PCDH11X: variants seen among roughly 807,000 people sequenced by gnomAD.
PCDH11X encodes protocadherin-11 X-linked.
Under a neutral mutation model 53.3 loss-of-function variants are expected in PCDH11X, and 18 were observed. The observed-to-expected ratio is 0.34, with a 90% confidence interval of 0.23 to 0.50. The LOEUF (loss-of-function observed/expected upper bound fraction) is 0.50, where lower values mean the gene tolerates loss of function less well. Ranked by LOEUF, PCDH11X falls within the 20% of genes least tolerant of loss-of-function variation. PCDH11X has a pLI of 0.98. For synonymous variants in PCDH11X, 279 were observed against 393.3 expected (o/e 0.71, Z 3.44); for missense variants, 570 against 1,032.4 (o/e 0.55, Z 6.14).
chrX:92,107,979 A>G (rs1448305450), intron 6 of PCDH11X, among the ~76,000 whole-genome samples: 2 of 112,560 alleles, frequency 1.8e-5, no homozygotes, highest in African/African-American at 6.5e-5. Context: ...CTTTGTATAT[A>G]AACAATATGA....
intron 8 of PCDH11X, among the ~76,000 whole-genome samples, chrX:92,360,828 A>G (rs1171593144): frequency 9.2e-6 from 1 of 109,186 alleles, no homozygotes; most frequent in East Asian, 2.9e-4. Flanking sequence ...TAAAAAGTAA[A>G]TATTTTGCTG....
intron 9 of PCDH11X, among the ~76,000 whole-genome samples, chrX:92,437,683 A>G (rs1217489633): frequency 9.1e-6 from 1 of 110,392 alleles, no homozygotes; most frequent in Non-Finnish European, 1.9e-5. Flanking sequence ...ACTGTTTTAC[A>G]TGGAAACAGA....
At chrX:92,301,734 C>CTTTTTTTTTTTTTTTTTTTTTTTTT (rs1569459116) in intron 8 of PCDH11X, among the ~76,000 whole-genome samples, 2 of 109,719 alleles carry the variant, frequency 1.8e-5, no homozygotes, top group African/African-American at 6.8e-5. Context: ...GCTTCCTTTT[C>CTTTTTTTTTTTTTTTTTTTTTTTTT]TTGTGTTGTC....
rs1482895416 is a variant in PCDH11X, at chrX:92,009,372, T to C, written c.3033+130099T>C. 7.2e-5 allele frequency among the ~76,000 whole-genome samples: 8 copies of C among 111,496 alleles called. No homozygotes were observed. The East Asian group carries it at 2.2e-3, about 31-fold the overall frequency. The stretch of plus-strand genomic sequence containing the variant: ...TAACAAGATAGTCTATCCTAAAGCT[T>C]AAATATATTAATCAGCAACAAAATG... On this transcript the variant is annotated intron_variant, in intron 6 of 10. Transcript: ENST00000682573.
In PCDH11X at chrX:92,398,808, T is replaced by C. The variant is rs2071307382; in HGVS notation, c.3343+10875T>C. Among the ~76,000 whole-genome samples the C allele has an allele frequency of 2.7e-5, 3 of 110,781 alleles. No individual in the cohort carries two copies. The South Asian group carries it at 1.1e-3, about 42-fold the overall frequency. ...GCCTCAGCTTTGTGCATCCTTAAAATGAGAATAATAAAAGCAGTTGCTTTG... is the reference window on the plus strand; with the variant it reads ...GCCTCAGCTTTGTGCATCCTTAAAACGAGAATAATAAAAGCAGTTGCTTTG... On this transcript the variant is annotated intron_variant, in intron 9 of 10. Transcript: ENST00000682573.
At chrX:92,147,851 C>CT (rs1556066389) in intron 6 of PCDH11X, among the ~76,000 whole-genome samples, 1 of 95,264 alleles carries the variant, frequency 1.0e-5, no homozygotes, top group Non-Finnish European at 2.1e-5. Flanking sequence ...TTCTTTCTTT[C>CT]TTTTTTCTTT....
chrX:91,821,999 C>A (rs1341498560), intron 4 of PCDH11X, among the ~76,000 whole-genome samples: 1 of 104,426 alleles, frequency 9.6e-6, no homozygotes, highest in Non-Finnish European at 1.9e-5. Flanking sequence ...TATATTGAAC[C>A]AGCCTTGCAT....
At chrX:91,971,083 TTAATAA>T (rs2061953025) in intron 6 of PCDH11X, among the ~76,000 whole-genome samples, 1 of 111,824 alleles carries the variant, frequency 8.9e-6, no homozygotes, top group Admixed American at 9.5e-5. Flanking sequence ...TTTTCACTAT[TTAATAA>T]AGCATTACAG....
intron 9 of PCDH11X, among the ~76,000 whole-genome samples, chrX:92,458,910 G>T (rs1177027527): frequency 1.8e-5 from 2 of 110,120 alleles, no homozygotes; most frequent in African/African-American, 6.6e-5. Context: ...GGAATTGCTG[G>T]ATCATATGGT....
intron 10 of PCDH11X, among the ~76,000 whole-genome samples, chrX:92,544,861 A>T (rs981845753): frequency 2.7e-5 from 3 of 111,139 alleles, no homozygotes; most frequent in Non-Finnish European, 5.7e-5. Flanking sequence ...TACAATTTTT[A>T]TATTAAATTT....
At chrX:92,067,412 G>A (rs2063627594) in intron 6 of PCDH11X, among the ~76,000 whole-genome samples, 1 of 111,319 alleles carries the variant, frequency 9.0e-6, no homozygotes, top group Non-Finnish European at 1.9e-5. Context: ...CATCAATTGA[G>A]ATAACCATAT....
chrX:92,341,257 G>C (rs1191984615), intron 8 of PCDH11X, among the ~76,000 whole-genome samples: 1 of 111,482 alleles, frequency 9.0e-6, no homozygotes, highest in African/African-American at 3.3e-5. Context: ...CAGTCTCTAA[G>C]AACTTCCAAA....
intron 9 of PCDH11X, among the ~76,000 whole-genome samples, chrX:92,407,741 A>G (rs1603302861): frequency 9.0e-6 from 1 of 111,066 alleles, no homozygotes; most frequent in Admixed American, 9.6e-5. Flanking sequence ...GTACATTAAA[A>G]CACATGTATT....
intron 8 of PCDH11X, among the ~76,000 whole-genome samples, chrX:92,359,096 G>T (rs2070285400): frequency 9.4e-6 from 1 of 105,838 alleles, no homozygotes; most frequent in African/African-American, 3.4e-5. Context: ...TTTCATTTAT[G>T]TTTTTTTTTG....
At chrX:91,899,437 T>A (rs1356275174) in intron 6 of PCDH11X, among the ~76,000 whole-genome samples, 1 of 111,005 alleles carries the variant, frequency 9.0e-6, no homozygotes, top group Non-Finnish European at 1.9e-5. Flanking sequence ...CTGACTCAAA[T>A]GTTAATCTCC....
At chrX:92,375,414 A>G (rs2070729150) in intron 8 of PCDH11X, among the ~76,000 whole-genome samples, 1 of 99,055 alleles carries the variant, frequency 1.0e-5, no homozygotes, top group Non-Finnish European at 2.0e-5. Context: ...TCCTGACCTC[A>G]TGATCCACCC....
chrX:92,447,020 T>C (rs138241081), intron 9 of PCDH11X, among the ~76,000 whole-genome samples: 1,874 of 111,332 alleles, frequency 0.017, 44 homozygotes, highest in African/African-American at 0.059. Flanking sequence ...ATTTGTGGAA[T>C]TTTGAACTTG....
At chrX:92,330,889 A>G (rs1030140289) in intron 8 of PCDH11X, among the ~76,000 whole-genome samples, 8 of 96,183 alleles carry the variant, frequency 8.3e-5, no homozygotes, top group African/African-American at 3.0e-4. Context: ...TCAGAAAGCC[A>G]ATCGATGCTT....
intron 7 of PCDH11X, among the ~76,000 whole-genome samples, chrX:92,217,963 T>G (rs1487028582): frequency 9.3e-6 from 1 of 107,062 alleles, no homozygotes; most frequent in African/African-American, 3.4e-5. Flanking sequence ...ACTGGGTACA[T>G]AACGAAATGA....
Sources: gnomAD v4.1 joint callset for allele counts (sites outside exome capture counted in the v4.1 genomes callset) on GRCh38, gnomAD v4.1.1 for gene constraint, MANE v1.5 for transcripts, NCBI Gene and HGNC (gene_info 2026-07-23, HGNC 2026-07-21) for gene names.